The following CACNA2D1 variants were observed in gnomAD, a reference collection of about 807,000 sequenced individuals.
CACNA2D1 encodes voltage-dependent calcium channel subunit alpha-2/delta-1.
Under a neutral mutation model 171.5 loss-of-function variants are expected in CACNA2D1, and 53 were observed. The ratio of observed to expected loss-of-function variants is 0.31; its 90% confidence interval spans 0.25 to 0.39. The LOEUF is 0.39. Ranked by LOEUF, CACNA2D1 falls within the 10% of genes least tolerant of loss-of-function variation. The pLI is 1.00. For synonymous variants in CACNA2D1, 442 were observed against 443.1 expected (o/e 1.00, Z 0.03); for missense variants, 903 against 1,299.8 (o/e 0.69, Z 4.69).
chr7:82,373,707 AACACT>A (rs1419580764), intron 1 of CACNA2D1, among the ~76,000 whole-genome samples: 1 of 152,192 alleles, frequency 6.6e-6, no homozygotes, highest in Non-Finnish European at 1.5e-5. Flanking sequence ...TAATGTACAG[AACACT>A]GAGCTCCTTA....
chr7:82,182,769 G>A (rs1797271185), intron 3 of CACNA2D1, among the ~76,000 whole-genome samples: 1 of 152,064 alleles, frequency 6.6e-6, no homozygotes, highest in Admixed American at 6.6e-5. Context: ...CAGGCACGGT[G>A]GGTCCCACCT....
chr7:82,322,125 C>CAAAAAA lies in CACNA2D1; in HGVS notation c.294+13004_294+13009dup, dbSNP rs71093373. Among the ~76,000 whole-genome samples, 45 of 43,636 alleles carry CAAAAAA rather than the reference C, an allele frequency of 1.0e-3. 1 individual carries two copies. The highest frequency in any genetic ancestry group is 1.2e-3 in the Non-Finnish European group (31 of 24,810). The allele number at this position is 43,636 out of a possible 152,430, so 28.6% of individuals were successfully genotyped here. ...TGGGTGACAGAGCGAGACTCCGTCT[C>CAAAAAA]AAAAAAAAAAAAAAAAAAAAAAAAA... On this transcript the variant is annotated intron_variant, in intron 3 of 38. Coordinates refer to ENST00000356860, the MANE Select transcript of CACNA2D1 (RefSeq NM_000722.4).
chr7:82,149,796 A>AAAAAAAAAAAAAAAAAAAAGAAAAG, intron 4 of CACNA2D1, among the ~76,000 whole-genome samples: 1 of 136,810 alleles, frequency 7.3e-6, no homozygotes, highest in Non-Finnish European at 1.6e-5. Flanking sequence ...ACAAACAACA[A>AAAAAAAAAAAAAAAAAAAAGAAAAG]AAAAAAAAAC....
intron 3 of CACNA2D1, among the ~76,000 whole-genome samples, chr7:82,266,332 TTAAGA>T (rs780489067): frequency 3.3e-5 from 5 of 152,190 alleles, no homozygotes; most frequent in Non-Finnish European, 7.3e-5. Flanking sequence ...TTTCAACCAA[TTAAGA>T]TAAGAATATG....
intron 18 of CACNA2D1, among the ~76,000 whole-genome samples, chr7:82,001,963 G>A (rs75144155): frequency 0.02 from 2,599 of 130,330 alleles, 72 homozygotes; most frequent in African/African-American, 0.072. Context: ...AGAAAAGTAC[G>A]TATTTGGGAA....
chr7:82,205,568 T>TAC (rs929807928), intron 3 of CACNA2D1, among the ~76,000 whole-genome samples: 24 of 152,044 alleles, frequency 1.6e-4, no homozygotes, highest in Non-Finnish European at 2.1e-4. Context: ...AAAATTAGAA[T>TAC]ACACACACAC....
At chr7:82,304,543 T>C (rs539423684) in intron 3 of CACNA2D1, among the ~76,000 whole-genome samples, 14 of 152,248 alleles carry the variant, frequency 9.2e-5, no homozygotes, top group South Asian at 2.1e-4. Flanking sequence ...TGAAATTTTG[T>C]CATTAGCAGC....
intron 7 of CACNA2D1, among the ~76,000 whole-genome samples, chr7:82,074,181 A>C (rs2128996283): frequency 6.6e-6 from 1 of 152,292 alleles, no homozygotes; most frequent in East Asian, 1.9e-4. Flanking sequence ...CAGCTTGTAT[A>C]ATTCACCAGA....
chr7:82,298,576 C>A, intron 3 of CACNA2D1, among the ~76,000 whole-genome samples: 1 of 141,560 alleles, frequency 7.1e-6, no homozygotes, highest in East Asian at 2.1e-4. Flanking sequence ...GTGCAAATGT[C>A]TTTTTTTTTT....
chr7:82,219,491 A>G (rs972850790), intron 3 of CACNA2D1, among the ~76,000 whole-genome samples: 7 of 152,070 alleles, frequency 4.6e-5, no homozygotes, highest in African/African-American at 7.2e-5. Flanking sequence ...GACATTTAAT[A>G]TATAAGAATT....
At position 82,197,145 on chromosome 7, in the gene CACNA2D1, A is replaced by G. The variant is rs565314618; in HGVS notation, c.295-26536T>C. Among the ~76,000 whole-genome samples the G allele has an allele frequency of 1.1e-4, 17 of 152,138 alleles. No individual in the cohort carries two copies. The South Asian group carries it at 3.5e-3, about 32-fold the overall frequency. On this transcript the variant is annotated intron_variant, in intron 3 of 38. Transcript: ENST00000356860. Reference sequence around the variant, plus strand: ...TGTCTCCAAGGTTACATCGTTGGATATGAAAATTTATAGAAAAATTAATCT... The same window carrying G: ...TGTCTCCAAGGTTACATCGTTGGATGTGAAAATTTATAGAAAAATTAATCT...
chr7:82,093,674 T>A (rs79563067), intron 6 of CACNA2D1, among the ~76,000 whole-genome samples: 13,280 of 152,190 alleles, frequency 0.087, 808 homozygotes, highest in South Asian at 0.12. Flanking sequence ...ATATTCCAAG[T>A]GTTCCAGAAA....
intron 1 of CACNA2D1, among the ~76,000 whole-genome samples, chr7:82,378,233 C>T (rs896523342): frequency 5.3e-5 from 8 of 151,712 alleles, no homozygotes; most frequent in Non-Finnish European, 7.4e-5. Context: ...CCTGTCTCTA[C>T]AAAAAAATGT....
chr7:82,232,793 G>A (rs888366311), intron 3 of CACNA2D1, among the ~76,000 whole-genome samples: 5 of 147,958 alleles, frequency 3.4e-5, no homozygotes, highest in Non-Finnish European at 3.0e-5. Context: ...GAATCCGGGA[G>A]GCAGAGGTTG....
chr7:82,369,044 T>C (rs555967534), intron 1 of CACNA2D1, among the ~76,000 whole-genome samples: 41 of 152,296 alleles, frequency 2.7e-4, no homozygotes, highest in Middle Eastern at 3.4e-3. Flanking sequence ...TGTCTCTTCC[T>C]TGAAAGCTCC....
intron 3 of CACNA2D1, among the ~76,000 whole-genome samples, chr7:82,270,683 C>A (rs529012637): frequency 6.6e-6 from 1 of 152,150 alleles, no homozygotes; most frequent in East Asian, 1.9e-4. Context: ...TATTTAAGTT[C>A]CAGTTTCTCC....
At chr7:81,983,872 G>A (rs1014273829) in intron 22 of CACNA2D1, among the ~76,000 whole-genome samples, 5 of 152,108 alleles carry the variant, frequency 3.3e-5, no homozygotes, top group African/African-American at 1.2e-4. Flanking sequence ...AAATATATAC[G>A]TATATTTTTG....
intron 1 of CACNA2D1, among the ~76,000 whole-genome samples, chr7:82,358,771 G>A (rs1233591666): frequency 2.6e-5 from 4 of 151,830 alleles, no homozygotes; most frequent in Non-Finnish European, 5.9e-5. Context: ...AAGGCCATGA[G>A]ATCTACTTTT....
At chr7:82,346,890 C>T (rs190618710) in intron 2 of CACNA2D1, among the ~76,000 whole-genome samples, 68 of 152,254 alleles carry the variant, frequency 4.5e-4, no homozygotes, top group African/African-American at 1.6e-3. Flanking sequence ...TGTTCTAAAG[C>T]ATACAAGAAG....
Sources: allele counts gnomAD v4.1 joint callset (sites outside exome capture counted in the v4.1 genomes callset), GRCh38; gene constraint gnomAD v4.1.1; transcripts MANE v1.5; gene names NCBI Gene and HGNC (gene_info 2026-07-23, HGNC 2026-07-21).